RNF38: variants seen among roughly 807,000 people sequenced by gnomAD.
RNF38 encodes the protein ring finger protein 38, also known as E3 ubiquitin-protein ligase RNF38.
A neutral mutation model predicts 67.2 loss-of-function variants in RNF38; 15 were observed. The ratio of observed to expected loss-of-function variants is 0.22; its 90% CI spans 0.15 to 0.34. The LOEUF is 0.34. Ranked by LOEUF, RNF38 falls within the 10% of genes least tolerant of loss-of-function variation. The pLI is 1.00. For synonymous variants in RNF38, 220 were observed against 218.8 expected (o/e 1.01, Z -0.05); for missense variants, 524 against 639.9 (o/e 0.82, Z 1.95).
intron 9 of RNF38, among the ~76,000 whole-genome samples, 200 bp downstream of exon 9, chr9:36,350,915 T>A (rs1035289889): frequency 6.6e-6 from 1 of 152,060 alleles, no homozygotes; most frequent in African/African-American, 2.4e-5. Context: ...CAAAATGAGA[T>A]GTATTTTTTG....
At chr9:36,475,672 T>C (rs1477781469) in intron 1 of RNF38, among the ~76,000 whole-genome samples, 2 of 151,342 alleles carry the variant, frequency 1.3e-5, no homozygotes. Context: ...ATCATTATTT[T>C]TTAGTGGCCA....
At chr9:36,369,028 G>GT (rs1471728253) in intron 4 of RNF38, among the ~76,000 whole-genome samples, 1 of 152,014 alleles carries the variant, frequency 6.6e-6, no homozygotes, top group Non-Finnish European at 1.5e-5. Context: ...ATGAAACATT[G>GT]TAGGCTTGTA....
At chr9:36,421,328 T>C (rs1466255995) in intron 2 of RNF38, among the ~76,000 whole-genome samples, 3 of 152,164 alleles carry the variant, frequency 2.0e-5, no homozygotes, top group African/African-American at 7.2e-5. Context: ...GAACAAGTAA[T>C]TTCTCCCATG....
chr9:36,368,753 T>G (rs1835155802), intron 4 of RNF38, among the ~76,000 whole-genome samples: 1 of 152,108 alleles, frequency 6.6e-6, no homozygotes, highest in Admixed American at 6.5e-5. Flanking sequence ...TATTATCTAG[T>G]GCAGTAGATG....
At chr9:36,353,482 A>G in intron 6 of RNF38, 151 bp from the exon 7 acceptor site, 1 of 493,768 alleles carries the variant, frequency 2.0e-6, no homozygotes. Context: ...TCTAAAATTC[A>G]TACAAGTAAA....
rs759184303 is a variant in RNF38, at chr9:36,337,890, T to C, written c.*1862A>G. ...GCAAAACCCTACTTGTAGGACTAGATAGAGGCAACAATGTCTCGCAAAGGG... is the reference window on the plus strand; with the variant it reads ...GCAAAACCCTACTTGTAGGACTAGACAGAGGCAACAATGTCTCGCAAAGGG... On this transcript the variant is annotated 3_prime_UTR_variant, in exon 12 of 12. Coordinates refer to ENST00000259605, the MANE Select transcript of RNF38 (RefSeq NM_022781.5). The C allele has an allele frequency of 3.9e-5, 6 of 152,638 alleles. No individual in the cohort carries two copies. Among genetic ancestry groups the C allele is most frequent in the Non-Finnish European group, 2.9e-5 (2 of 68,036 alleles). 9.5% of individuals were successfully genotyped at this position (152,638 alleles called of 1,614,324 possible).
intron 2 of RNF38, among the ~76,000 whole-genome samples, chr9:36,380,766 T>A (rs1007231178): frequency 6.6e-6 from 1 of 152,164 alleles, no homozygotes; most frequent in Non-Finnish European, 1.5e-5. Flanking sequence ...AGTGCTGGGA[T>A]TACAGGTGTT....
rs1414418423 is a variant in RNF38 at position 36,337,732 on chromosome 9, CT to C, written c.*2019del. ...GCCAAGAATTTTGGTCTTTAACACA[CT>C]TTTTATTCATCAGGAACAGGTGAGG... is the stretch of plus-strand genomic sequence containing the variant. On this transcript the variant is annotated 3_prime_UTR_variant, in exon 12 of 12. Transcript: ENST00000259605. The C allele has an allele frequency of 6.6e-6, 1 of 152,472 alleles. No homozygotes were observed. The highest frequency in any genetic ancestry group is 2.4e-5 in the African/African-American group (1 of 41,410). 9.4% of individuals were successfully genotyped at this position (152,472 alleles called of 1,614,324 possible). A position where few individuals can be genotyped will look rare whatever the true frequency, so the allele number is the denominator to read the frequency against.
chr9:36,421,220 G>A (rs1057125740), intron 2 of RNF38, among the ~76,000 whole-genome samples: 4 of 152,176 alleles, frequency 2.6e-5, no homozygotes, highest in East Asian at 1.9e-4. Flanking sequence ...GAATCAACAC[G>A]TTTTGACAAT....
intron 2 of RNF38, among the ~76,000 whole-genome samples, chr9:36,416,972 G>A (rs1367047224): frequency 6.6e-6 from 1 of 151,984 alleles, no homozygotes; most frequent in Non-Finnish European, 1.5e-5. Context: ...GGCTGGTCTC[G>A]AACTCCTGAC....
intron 1 of RNF38, among the ~76,000 whole-genome samples, chr9:36,442,203 A>T (rs1178240121): frequency 1.3e-5 from 2 of 152,116 alleles, no homozygotes; most frequent in African/African-American, 4.8e-5. Flanking sequence ...CCGTAATCTG[A>T]CTGAATGTTC....
At chr9:36,467,229 T>C (rs1282742617) in intron 1 of RNF38, among the ~76,000 whole-genome samples, 1 of 69,248 alleles carries the variant, frequency 1.4e-5, no homozygotes, top group Non-Finnish European at 2.8e-5. Context: ...TATATATATA[T>C]ATAATATATA....
chr9:36,436,688 T>C (rs1250380737), intron 1 of RNF38, among the ~76,000 whole-genome samples: 1 of 151,852 alleles, frequency 6.6e-6, no homozygotes, highest in Non-Finnish European at 1.5e-5. Context: ...CCGGGCGTGG[T>C]GGCAGGCGCC....
chr9:36,358,433 C>T (rs1834286439), intron 4 of RNF38, among the ~76,000 whole-genome samples: 2 of 152,228 alleles, frequency 1.3e-5, no homozygotes, highest in South Asian at 2.1e-4. Context: ...TATCCTTCTT[C>T]TCTTTCTCCA....
intron 2 of RNF38, among the ~76,000 whole-genome samples, chr9:36,387,703 T>A (rs1836751595): frequency 6.6e-6 from 1 of 152,212 alleles, no homozygotes; most frequent in Non-Finnish European, 1.5e-5. Context: ...ATTCTAATTT[T>A]AAATATGGGT....
intron 1 of RNF38, among the ~76,000 whole-genome samples, chr9:36,432,483 A>G (rs915623690): frequency 3.3e-5 from 5 of 152,086 alleles, no homozygotes; most frequent in Non-Finnish European, 1.5e-5. Flanking sequence ...ACAAGGGTCA[A>G]TGGTAAAATT....
intron 2 of RNF38, among the ~76,000 whole-genome samples, chr9:36,412,609 C>T (rs766360645): frequency 1.3e-5 from 2 of 152,204 alleles, no homozygotes; most frequent in Admixed American, 6.5e-5. Context: ...GATGAGATCT[C>T]GCTTTGGTAG....
chr9:36,347,148 G>T (rs1833310717), intron 9 of RNF38, among the ~76,000 whole-genome samples: 2 of 49,132 alleles, frequency 4.1e-5, no homozygotes, highest in African/African-American at 8.3e-5. Flanking sequence ...GGGGGGGGGG[G>T]GAAGTAAATT....
intron 1 of RNF38, among the ~76,000 whole-genome samples, chr9:36,441,112 G>A (rs1223578202): frequency 6.6e-6 from 1 of 152,066 alleles, no homozygotes; most frequent in Non-Finnish European, 1.5e-5. Context: ...AAGAAAAGAT[G>A]AGAAAGAAAA....
Sources: allele counts gnomAD v4.1 joint callset (sites outside exome capture counted in the v4.1 genomes callset), GRCh38; gene constraint gnomAD v4.1.1; transcripts MANE v1.5; gene names NCBI Gene and HGNC (gene_info 2026-07-23, HGNC 2026-07-21).